TFPI: variants seen among roughly 807,000 people sequenced by gnomAD.
TFPI encodes tissue factor pathway inhibitor.
TFPI carries 15 observed loss-of-function variants against 34.6 expected under a neutral mutation model. The observed-to-expected ratio is 0.43, with a 90% CI of 0.29 to 0.67. The LOEUF is 0.67. Ranked by LOEUF, TFPI falls within the 30% of genes least tolerant of loss-of-function variation. The pLI is 0.15. For synonymous variants in TFPI, 105 were observed against 120.1 expected (o/e 0.87, Z 0.82); for missense variants, 301 against 364.0 (o/e 0.83, Z 1.41).
chr2:187,478,187 C>A (rs1692513115), intron 6 of TFPI, among the ~76,000 whole-genome samples: 1 of 152,092 alleles, frequency 6.6e-6, no homozygotes, highest in East Asian at 1.9e-4. Context: ...TGATGAAACC[C>A]TGTCTCTACT....
chr2:187,538,482 G>T (rs1574522451), intron 1 of TFPI, among the ~76,000 whole-genome samples: 1 of 152,116 alleles, frequency 6.6e-6, no homozygotes, highest in East Asian at 1.9e-4. Context: ...AACTAACACA[G>T]GAACAGAAAA....
At chr2:187,479,974 T>G (rs1692719562) in intron 6 of TFPI, among the ~76,000 whole-genome samples, 1 of 151,970 alleles carries the variant, frequency 6.6e-6, no homozygotes, top group African/African-American at 2.4e-5. Context: ...GTTGGAAATG[T>G]CGAAAAGATA....
chr2:187,540,908 GAAAAAAGAA>G (rs1688550724), intron 1 of TFPI, among the ~76,000 whole-genome samples: 1 of 129,490 alleles, frequency 7.7e-6, no homozygotes, highest in South Asian at 2.5e-4. Flanking sequence ...AAAAAAAAAA[GAAAAAAGAA>G]AAAAAAGAGA....
intron 1 of TFPI, among the ~76,000 whole-genome samples, chr2:187,552,430 A>G (rs1689129117): frequency 6.6e-6 from 1 of 152,132 alleles, no homozygotes; most frequent in South Asian, 2.1e-4. Flanking sequence ...TGTTTTGAAA[A>G]TTAGAGTTTA....
chr2:187,474,341 T>C (rs1202115434), intron 6 of TFPI, among the ~76,000 whole-genome samples: 1 of 152,178 alleles, frequency 6.6e-6, no homozygotes, highest in Admixed American at 6.6e-5. Flanking sequence ...AGAATGTTTC[T>C]GGTTTGCTTG....
intron 1 of TFPI, chr2:187,513,509 TAA>T (rs1686788608): frequency 6.6e-6 from 1 of 152,478 alleles, no homozygotes; most frequent in African/African-American, 2.4e-5. Flanking sequence ...CCCTCAAAAC[TAA>T]AAGTCTTTTA....
chr2:187,553,944 A>C (rs980680730), intron 1 of TFPI, among the ~76,000 whole-genome samples: 9 of 152,234 alleles, frequency 5.9e-5, no homozygotes, highest in Admixed American at 3.9e-4. Flanking sequence ...ATTAGTTACA[A>C]AAATGTTTAT....
intron 1 of TFPI, among the ~76,000 whole-genome samples, chr2:187,541,154 T>C (rs1005158222): frequency 6.6e-6 from 1 of 152,170 alleles, no homozygotes; most frequent in African/African-American, 2.4e-5. Context: ...TATCCTAACA[T>C]GTATACTTGA....
intron 1 of TFPI, chr2:187,527,223 T>G (rs1687725220): frequency 6.6e-6 from 1 of 152,194 alleles, no homozygotes; most frequent in Non-Finnish European, 1.5e-5. Context: ...TTCTATTTCC[T>G]TTTTTTGAAG....
intron 1 of TFPI, chr2:187,518,962 G>C (rs188884780): frequency 6.6e-6 from 1 of 151,994 alleles, no homozygotes; most frequent in Admixed American, 6.6e-5. Flanking sequence ...TATGCTTCAC[G>C]AAGTTCTCAT....
intron 3 of TFPI, among the ~76,000 whole-genome samples, chr2:187,496,066 A>G (rs1353796580): frequency 6.6e-6 from 1 of 152,176 alleles, no homozygotes; most frequent in Non-Finnish European, 1.5e-5. Context: ...GGATTAATGC[A>G]GAGTAAAAGT....
intron 4 of TFPI, among the ~76,000 whole-genome samples, chr2:187,487,104 G>A (rs1209382993): frequency 1.3e-5 from 2 of 151,372 alleles, no homozygotes; most frequent in East Asian, 1.9e-4. Flanking sequence ...CCTAAAAATA[G>A]TACCTGTATT....
intron 1 of TFPI, chr2:187,516,078 G>A (rs1162484106): frequency 6.6e-6 from 1 of 152,176 alleles, no homozygotes; most frequent in Non-Finnish European, 1.5e-5. Flanking sequence ...ACAGTTAAAA[G>A]CTGTCTTAAA....
chr2:187,503,956 T>C (rs1212122444), intron 1 of TFPI, among the ~76,000 whole-genome samples, 186 bp from the exon 2 acceptor site: 5 of 152,158 alleles, frequency 3.3e-5, no homozygotes, highest in African/African-American at 1.2e-4. Context: ...TTCAGAATTA[T>C]GGGCAAACAC....
chr2:187,504,132 C>T (rs927483187), intron 1 of TFPI, among the ~76,000 whole-genome samples: 12 of 152,072 alleles, frequency 7.9e-5, no homozygotes, highest in Non-Finnish European at 2.9e-5. Flanking sequence ...CCACATCTTT[C>T]GCACAGCTAT....
At chr2:187,518,611 TGTGTCTTTGG>T (rs1687165444) in intron 1 of TFPI, 1 of 152,200 alleles carries the variant, frequency 6.6e-6, no homozygotes, top group African/African-American at 2.4e-5. Flanking sequence ...CTGACGATTA[TGTGTCTTTGG>T]GTTGCTCTTC....
chr2:187,482,501 C>T (rs1692945970), intron 6 of TFPI, among the ~76,000 whole-genome samples: 1 of 151,968 alleles, frequency 6.6e-6, no homozygotes. Flanking sequence ...GACTCAAGTT[C>T]ATCTGGCATT....
chr2:187,542,006 G>A (rs375483958), intron 1 of TFPI, among the ~76,000 whole-genome samples: 2 of 152,080 alleles, frequency 1.3e-5, no homozygotes, highest in Non-Finnish European at 2.9e-5. Flanking sequence ...ATATTTTAGC[G>A]TGAGGGGGCA....
At chr2:187,507,282 C>A (rs1344897625) in intron 1 of TFPI, among the ~76,000 whole-genome samples, 7 of 152,108 alleles carry the variant, frequency 4.6e-5, no homozygotes, top group African/African-American at 9.7e-5. Flanking sequence ...TGTATATGTG[C>A]CACATTTTCT....
Sources: allele counts gnomAD v4.1 joint callset (sites outside exome capture counted in the v4.1 genomes callset), GRCh38; gene constraint gnomAD v4.1.1; transcripts MANE v1.5; gene names NCBI Gene and HGNC (gene_info 2026-07-23, HGNC 2026-07-21).